PRKCA: variants seen among roughly 807,000 people sequenced by gnomAD.
PRKCA encodes the protein protein kinase C alpha type.
Under a neutral mutation model 87.0 loss-of-function variants are expected in PRKCA, and 27 were observed. The ratio of observed to expected loss-of-function variants is 0.31; its 90% CI spans 0.23 to 0.43. The LOEUF (loss-of-function observed/expected upper bound fraction) is 0.43. Among genes scored for constraint, PRKCA ranks in the 20% least tolerant of loss-of-function variants. The probability of loss-of-function intolerance (pLI) is 1.00; values close to 1 mark genes in which losing one functional copy is unlikely to be tolerated. For synonymous variants in PRKCA, 329 were observed against 311.1 expected (o/e 1.06, Z -0.61); for missense variants, 518 against 852.3 (o/e 0.61, Z 4.88).
chr17:66,607,142 C>T (rs9911604), intron 3 of PRKCA, among the ~76,000 whole-genome samples: 243 of 152,196 alleles, frequency 1.6e-3, no homozygotes, highest in African/African-American at 5.4e-3. Context: ...TTATTTCAAT[C>T]GGTAAAAATC....
At chr17:66,580,285 T>A (rs1969378496) in intron 3 of PRKCA, among the ~76,000 whole-genome samples, 1 of 152,148 alleles carries the variant, frequency 6.6e-6, no homozygotes, top group African/African-American at 2.4e-5. Flanking sequence ...AGCTCCACAT[T>A]CTTAGGGAGT....
intron 3 of PRKCA, among the ~76,000 whole-genome samples, chr17:66,593,041 C>T (rs1969859555): frequency 1.3e-5 from 2 of 152,222 alleles, no homozygotes; most frequent in Non-Finnish European, 2.9e-5. Context: ...CCACCCGCCT[C>T]AGCCTACCAA....
chr17:66,664,647 G>GTTTTTT (rs398031366), intron 5 of PRKCA, among the ~76,000 whole-genome samples: 1 of 67,788 alleles, frequency 1.5e-5, no homozygotes, highest in Non-Finnish European at 2.7e-5. Flanking sequence ...TTTTGCTTTG[G>GTTTTTT]TTTTTTTTTT....
At chr17:66,489,546 A>G (rs986252825) in intron 2 of PRKCA, among the ~76,000 whole-genome samples, 10 of 151,698 alleles carry the variant, frequency 6.6e-5, no homozygotes, top group Admixed American at 1.3e-4. Context: ...ATCATTATTG[A>G]CAACTATGTG....
At chr17:66,494,557 C>T (rs1216815566) in intron 2 of PRKCA, among the ~76,000 whole-genome samples, 1 of 152,212 alleles carries the variant, frequency 6.6e-6, no homozygotes, top group African/African-American at 2.4e-5. Flanking sequence ...GTCCCATCTC[C>T]CAAAACTGCC....
intron 2 of PRKCA, among the ~76,000 whole-genome samples, chr17:66,470,295 C>T (rs1344023184): frequency 7.2e-6 from 1 of 138,028 alleles, no homozygotes; most frequent in Non-Finnish European, 1.6e-5. Context: ...CACCCCCCCT[C>T]CCCAACCCCC....
intron 5 of PRKCA, among the ~76,000 whole-genome samples, chr17:66,658,783 T>C (rs943291416): frequency 1.6e-4 from 25 of 152,218 alleles, no homozygotes; most frequent in Non-Finnish European, 5.9e-5. Flanking sequence ...TGTCACTTTA[T>C]TGACAAATTA....
At chr17:66,667,108 C>A (rs767967710) in intron 5 of PRKCA, among the ~76,000 whole-genome samples, 2 of 152,170 alleles carry the variant, frequency 1.3e-5, no homozygotes, top group Non-Finnish European at 2.9e-5. Flanking sequence ...CAGAGCAAGC[C>A]GAAGGTCCCT....
At chr17:66,733,129 A>G (rs1229890467) in intron 9 of PRKCA, among the ~76,000 whole-genome samples, 1 of 141,742 alleles carries the variant, frequency 7.1e-6, no homozygotes, top group Non-Finnish European at 1.5e-5. Context: ...CCAGCCTGGG[A>G]GACAGTGAGA....
At chr17:66,625,693 CTATT>C (rs1408542680) in intron 3 of PRKCA, among the ~76,000 whole-genome samples, 1 of 152,212 alleles carries the variant, frequency 6.6e-6, no homozygotes, top group African/African-American at 2.4e-5. Context: ...CTATGTATCA[CTATT>C]TATCCTCATA....
intron 16 of PRKCA, among the ~76,000 whole-genome samples, chr17:66,795,102 T>C (rs1017979625): frequency 2.0e-5 from 3 of 152,220 alleles, no homozygotes; most frequent in Non-Finnish European, 4.4e-5. Flanking sequence ...AATGCTTCTT[T>C]ACACCTAGAT....
At chr17:66,638,631 G>A (rs538245020) in intron 3 of PRKCA, among the ~76,000 whole-genome samples, 3 of 152,230 alleles carry the variant, frequency 2.0e-5, no homozygotes, top group East Asian at 1.9e-4. Flanking sequence ...GGTGGATCAC[G>A]AGGTCAGGAG....
In PRKCA at chr17:66,532,297, T is replaced by TC. The variant is rs1188553199; in HGVS notation, c.288+36022dup. On this transcript the variant is annotated intron_variant, in intron 3 of 16. Coordinates refer to ENST00000413366, the MANE Select transcript of PRKCA (RefSeq NM_002737.3). Reference sequence around the variant, plus strand: ...TTTTTGCTGGTTGTTTCCTGCCCCCTCCCCCCCCACCCCCACCCACTGACT... The same window carrying TC: ...TTTTTGCTGGTTGTTTCCTGCCCCCTCCCCCCCCCACCCCCACCCACTGACT... 1.6e-3 allele frequency among the ~76,000 whole-genome samples: 110 copies of TC among 68,458 alleles called. 2 individuals are homozygous for TC. In the East Asian group the frequency reaches 0.031, roughly 19 times the overall value. The allele number at this position is 68,458 out of a possible 152,430, so 44.9% of individuals were successfully genotyped here.
rs748695583 is a variant in PRKCA, at chr17:66,774,035, G to A, written c.1573G>A (p.Gly525Ser). Residue 525 changes from glycine (G) to serine (S), a missense_variant, in exon 14 of 17, where the codon GGC (glycine) becomes AGC (serine). Gly to Ser is a moderately conservative substitution (Grantham distance 56). Coordinates refer to ENST00000413366, the MANE Select transcript of PRKCA (RefSeq NM_002737.3). ...AAAATCTGTGGACTGGTGGGCCTAT[G>A]GCGTCCTGTTGTATGAAATGCTTGC... Reference protein sequence around the residue: ...YGKSVDWWAYGVLLYEMLAGQ... With the variant: ...YGKSVDWWAYSVLLYEMLAGQ... 1.2e-6 allele frequency: 2 copies of A among 1,614,068 alleles called. No homozygotes were observed. The highest frequency in any genetic ancestry group is 8.5e-7 in the Non-Finnish European group (1 of 1,180,022).
intron 2 of PRKCA, among the ~76,000 whole-genome samples, chr17:66,336,991 A>T (rs1403610221): frequency 1.3e-5 from 2 of 151,998 alleles, no homozygotes; most frequent in Non-Finnish European, 2.9e-5. Context: ...GGGTTTCACC[A>T]TGTTGACCAG....
chr17:66,595,024 C>T (rs1050559625), intron 3 of PRKCA, among the ~76,000 whole-genome samples: 1 of 152,188 alleles, frequency 6.6e-6, no homozygotes, highest in African/African-American at 2.4e-5. Flanking sequence ...CAAGGTGGTT[C>T]CTTCCATCCC....
intron 2 of PRKCA, among the ~76,000 whole-genome samples, chr17:66,432,780 T>A (rs2143836868): frequency 6.6e-6 from 1 of 152,264 alleles, no homozygotes; most frequent in East Asian, 1.9e-4. Flanking sequence ...TCAGATTTTG[T>A]TTCTAAGTCA....
chr17:66,642,544 A>G (rs929876026), intron 4 of PRKCA, among the ~76,000 whole-genome samples: 2 of 152,212 alleles, frequency 1.3e-5, no homozygotes, highest in Non-Finnish European at 2.9e-5. Context: ...ATAGATCGGG[A>G]ACCACTGTGG....
At chr17:66,377,747 C>A (rs1909546072) in intron 2 of PRKCA, among the ~76,000 whole-genome samples, 1 of 67,956 alleles carries the variant, frequency 1.5e-5, no homozygotes, top group Non-Finnish European at 2.7e-5. Context: ...TTTTTTGAGG[C>A]AGGACCTCAC....
Sources: gnomAD v4.1 joint callset for allele counts (sites outside exome capture counted in the v4.1 genomes callset) on GRCh38, gnomAD v4.1.1 for gene constraint, MANE v1.5 for transcripts, NCBI Gene and HGNC (gene_info 2026-07-23, HGNC 2026-07-21) for gene names.